GNB4: variants seen among roughly 807,000 people sequenced by gnomAD.
GNB4 encodes G protein subunit beta 4.
A neutral mutation model predicts 45.2 loss-of-function variants in GNB4; 28 were observed. The observed-to-expected ratio is 0.62, with a 90% CI of 0.46 to 0.85. The LOEUF (loss-of-function observed/expected upper bound fraction) is 0.85, where lower values mean the gene tolerates loss of function less well. Ranked by LOEUF, GNB4 falls within the 40% of genes least tolerant of loss-of-function variation. GNB4 has a pLI of 0.00. For missense variants in GNB4, 321 were observed against 425.4 expected (o/e 0.75, Z 2.16); for synonymous variants, 132 against 143.7 (o/e 0.92, Z 0.58).
intron 1 of GNB4, among the ~76,000 whole-genome samples, chr3:179,427,506 G>A (rs1365086333): frequency 6.6e-6 from 1 of 151,370 alleles, no homozygotes; most frequent in Non-Finnish European, 1.5e-5. Flanking sequence ...TTGGGAAGCT[G>A]AGGCAAAAGA....
the GNB4 span, among the ~76,000 whole-genome samples, chr3:179,503,759 C>G: frequency 6.6e-6 from 1 of 152,170 alleles, no homozygotes; most frequent in Non-Finnish European, 1.5e-5. Context: ...GCTTATTATT[C>G]AAATACAAGG....
At chr3:179,426,101 G>A (rs768172496) in intron 2 of GNB4, 43 bp downstream of exon 2, 3 of 1,485,042 alleles carry the variant, frequency 2.0e-6, no homozygotes, top group Non-Finnish European at 2.8e-6. Flanking sequence ...GTAGATTCCT[G>A]GTACTAAATA....
At chr3:179,494,907 CAAAAAAAAA>C in the GNB4 span, among the ~76,000 whole-genome samples, 1 of 33,992 alleles carries the variant, frequency 2.9e-5, no homozygotes, top group Non-Finnish European at 5.5e-5. Context: ...GACTCTGTCT[CAAAAAAAAA>C]AAAAAAAAAA....
intron 1 of GNB4, among the ~76,000 whole-genome samples, chr3:179,440,158 T>TA (rs147058639): frequency 0.012 from 1,903 of 152,346 alleles, 27 homozygotes; most frequent in African/African-American, 0.044. Context: ...TTTCAGGTGT[T>TA]ATCTTCTCTT....
At chr3:179,410,106 T>C (rs113757178) in intron 8 of GNB4, among the ~76,000 whole-genome samples, 110 of 152,202 alleles carry the variant, frequency 7.2e-4, no homozygotes, top group Non-Finnish European at 1.2e-3. Flanking sequence ...CCTTCCACCA[T>C]GATTGTAAGT....
At chr3:179,465,005 C>T in the GNB4 span, 10 of 1,535,152 alleles carry the variant, frequency 6.5e-6, no homozygotes, top group South Asian at 3.4e-5. Context: ...GGTGCATGAA[C>T]GTCCCGGAGG....
chr3:179,457,030 C>T, the GNB4 span, among the ~76,000 whole-genome samples: 1 of 152,100 alleles, frequency 6.6e-6, no homozygotes, highest in Non-Finnish European at 1.5e-5. Flanking sequence ...TGAAAAGGAG[C>T]CCTGCGGACC....
At chr3:179,441,920 G>A (rs1475245456) in intron 1 of GNB4, among the ~76,000 whole-genome samples, 1 of 151,892 alleles carries the variant, frequency 6.6e-6, no homozygotes, top group African/African-American at 2.4e-5. Flanking sequence ...CAATTCTCCT[G>A]CCTCAGCCTT....
At chr3:179,436,502 A>G (rs1288731900) in intron 1 of GNB4, among the ~76,000 whole-genome samples, 2 of 152,200 alleles carry the variant, frequency 1.3e-5, no homozygotes, top group Non-Finnish European at 2.9e-5. Flanking sequence ...ATTTTCTAGT[A>G]TTCTTTTCTT....
At chr3:179,500,392 T>C in the GNB4 span, among the ~76,000 whole-genome samples, 1 of 152,340 alleles carries the variant, frequency 6.6e-6, no homozygotes, top group Admixed American at 6.5e-5. Flanking sequence ...CAGATGGTTG[T>C]AGATGTGTGG....
the GNB4 span, among the ~76,000 whole-genome samples, chr3:179,487,912 G>T: frequency 1.3e-5 from 2 of 152,092 alleles, no homozygotes; most frequent in Non-Finnish European, 2.9e-5. Flanking sequence ...TTAGCTGGGT[G>T]TGGTAGCGCA....
At chr3:179,472,357 CT>C in the GNB4 span, among the ~76,000 whole-genome samples, 449 of 131,840 alleles carry the variant, frequency 3.4e-3, 7 homozygotes, top group Non-Finnish European at 2.2e-3. Context: ...CTTTCCTTTC[CT>C]TTTCTTTCTT....
At chr3:179,471,354 G>A in the GNB4 span, among the ~76,000 whole-genome samples, 1 of 152,046 alleles carries the variant, frequency 6.6e-6, no homozygotes, top group Non-Finnish European at 1.5e-5. Context: ...CCAGAGCAGA[G>A]CAACTTTCAG....
intron 1 of GNB4, among the ~76,000 whole-genome samples, chr3:179,436,358 C>CCCG (rs940521879): frequency 2.0e-5 from 3 of 152,104 alleles, no homozygotes; most frequent in African/African-American, 7.2e-5. Flanking sequence ...CCATTGCACT[C>CCCG]CCGCCTGGGC....
intron 1 of GNB4, among the ~76,000 whole-genome samples, chr3:179,433,738 T>C (rs1424671613): frequency 6.7e-6 from 1 of 148,532 alleles, no homozygotes; most frequent in East Asian, 1.9e-4. Flanking sequence ...TGAGAAAAGA[T>C]AGTTGTAAGC....
intron 4 of GNB4, among the ~76,000 whole-genome samples, chr3:179,417,794 A>T (rs1040886441): frequency 6.6e-6 from 1 of 152,224 alleles, no homozygotes. Context: ...TCAGCCACCC[A>T]GTTCCTTTCC....
In GNB4 at chr3:179,413,504, C is replaced by T; in HGVS notation, c.607G>A (p.Ala203Thr). Reference protein sequence around the residue: ...SPDMRTFVSGACDASSKLWDI... With the variant: ...SPDMRTFVSGTCDASSKLWDI... ...CATAATTTGGAAGAGGCATCACAAG[C>T]ACCAGAAACAAAAGTCCTCATGTCA... is the stretch of plus-strand genomic sequence containing the variant. Residue 203 changes from alanine to threonine, a missense_variant, in exon 8 of 10, where the codon GCT (alanine) becomes ACT (threonine). Coordinates refer to ENST00000232564, the MANE Select transcript of GNB4 (RefSeq NM_021629.4). The T allele has an allele frequency of 6.2e-7, 1 of 1,614,124 alleles. No individual in the cohort carries two copies. The highest frequency in any genetic ancestry group is 8.5e-7 in the Non-Finnish European group (1 of 1,179,986).
In GNB4 at chr3:179,436,502, ATTC is replaced by A. The variant is rs1227629349; in HGVS notation, c.-42-10263_-42-10261del. ...TTTAATTTGGTGTAAATTTTCTAGTATTCTTTTCTTTTTGCAATACAAATTTAT... is the reference window on the plus strand; with the variant it reads ...TTTAATTTGGTGTAAATTTTCTAGTATTTTCTTTTTGCAATACAAATTTAT... On this transcript the variant is annotated intron_variant, in intron 1 of 9. Transcript: ENST00000232564. Among the ~76,000 whole-genome samples, 13 of 152,318 alleles carry A rather than the reference ATTC, an allele frequency of 8.5e-5. No individual in the cohort carries two copies. In the East Asian group the frequency reaches 2.5e-3, roughly 29 times the overall value.
At chr3:179,511,224 A>G in the GNB4 span, among the ~76,000 whole-genome samples, 1 of 152,140 alleles carries the variant, frequency 6.6e-6, no homozygotes, top group African/African-American at 2.4e-5. Context: ...CCTTTGCCAC[A>G]CGGCTCCCCA....
Sources: gnomAD v4.1 joint callset for allele counts (sites outside exome capture counted in the v4.1 genomes callset) on GRCh38, gnomAD v4.1.1 for gene constraint, MANE v1.5 for transcripts, NCBI Gene and HGNC (gene_info 2026-07-23, HGNC 2026-07-21) for gene names.